The following TCOF1 variants were observed in gnomAD, a reference collection of about 807,000 sequenced individuals.
The protein encoded by TCOF1 is treacle protein.
A neutral mutation model predicts 149.0 loss-of-function variants in TCOF1; 33 were observed. The observed-to-expected ratio is 0.22, with a 90% CI of 0.17 to 0.30. The LOEUF is 0.30. TCOF1 is among the 10% of genes least tolerant of loss of function. The pLI, the probability that TCOF1 is intolerant of heterozygous loss-of-function variation, is 1.00. For synonymous variants in TCOF1, 789 were observed against 738.8 expected (o/e 1.07, Z -1.10); for missense variants, 1,728 against 1,840.7 (o/e 0.94, Z 1.12).
intron 14 of TCOF1, among the ~76,000 whole-genome samples, chr5:150,377,158 C>T (rs1306564302): frequency 6.6e-6 from 1 of 152,192 alleles, no homozygotes; most frequent in African/African-American, 2.4e-5. Context: ...TGAGAGAGTG[C>T]CTGGCTTGGG....
intron 22 of TCOF1, 28 bp downstream of exon 22, chr5:150,392,818 C>A (rs1767715112): frequency 6.2e-7 from 1 of 1,611,042 alleles, no homozygotes; most frequent in East Asian, 2.2e-5. Flanking sequence ...GACTGGCAGC[C>A]CATAGGCCTT....
intron 3 of TCOF1, 99 bp from the exon 4 acceptor site, chr5:150,367,745 C>A: frequency 7.2e-7 from 1 of 1,389,726 alleles, no homozygotes; most frequent in Non-Finnish European, 1.0e-6. Context: ...CACCAGGCAG[C>A]CAATACCAAT....
intron 2 of TCOF1, among the ~76,000 whole-genome samples, chr5:150,361,762 T>C (rs1049737141): frequency 6.6e-5 from 10 of 151,808 alleles, no homozygotes; most frequent in African/African-American, 2.2e-4. Context: ...ATTGGAGGAG[T>C]GAACTATGCA....
intron 25 of TCOF1, 51 bp from the exon 26 acceptor site, chr5:150,398,971 G>C (rs1180803597): frequency 1.9e-6 from 3 of 1,614,006 alleles, no homozygotes; most frequent in Non-Finnish European, 2.5e-6. Context: ...GGCAGCAGTG[G>C]GTGGGGAAAA....
chr5:150,384,577 C>T, intron 17 of TCOF1: 1 of 985,482 alleles, frequency 1.0e-6, no homozygotes, highest in Non-Finnish European at 1.2e-6. Context: ...GAGGGGACCG[C>T]TCCCCCTTTC....
In TCOF1 at chr5:150,392,075, C is replaced by T. The variant is rs1197900739; in HGVS notation, c.3416C>T (p.Ala1139Val). ...KLPEVQQATK[A>V]PESSDDSEDS... ...CCTGAGGTCCAGCAGGCCACCAAAG[C>T]CCCTGAGAGCTCAGATGACAGTGAG... Residue 1139 changes from alanine to valine, a missense_variant, in exon 21 of 27, where the codon GCC becomes GTC. Transcript: ENST00000643257. 6.2e-7 allele frequency: 1 copy of T among 1,614,250 alleles called. No individual in the cohort carries two copies. The highest frequency in any genetic ancestry group is 1.1e-5 in the South Asian group (1 of 91,086).
In TCOF1 at chr5:150,393,519, C is replaced by G; in HGVS notation, c.3751C>G (p.Gln1251Glu). 6.2e-7 allele frequency: 1 copy of G among 1,614,190 alleles called. No individual in the cohort carries two copies. The highest frequency in any genetic ancestry group is 8.5e-7 in the Non-Finnish European group (1 of 1,180,026). Reference sequence around the variant, plus strand: ...AGATGGCAAGCAGGAGGCAAAGCCCCAACAGGCAGCAGGCATGTTGTCCCC... The same window carrying G: ...AGATGGCAAGCAGGAGGCAAAGCCCGAACAGGCAGCAGGCATGTTGTCCCC... ...DPDGKQEAKP[Q>E]QAAGMLSPKT... The change falls in exon 23 of 27, where the codon CAA becomes GAA. Residue 1251 changes from glutamine to glutamate, a missense_variant. This residue lies in a region of TCOF1 where 1,696 missense variants were observed against 1,765.4 expected (regional missense o/e 0.96). Transcript: ENST00000643257.
chr5:150,363,662 A>G (rs1760666330), intron 2 of TCOF1, among the ~76,000 whole-genome samples: 1 of 152,224 alleles, frequency 6.6e-6, no homozygotes, highest in African/African-American at 2.4e-5. Flanking sequence ...CACAGGGCAG[A>G]GCATGCCTTG....
chr5:150,360,287 AT>A (rs1759744482), intron 1 of TCOF1, among the ~76,000 whole-genome samples: 1 of 152,164 alleles, frequency 6.6e-6, no homozygotes, highest in East Asian at 1.9e-4. Context: ...ATCCTGGCTT[AT>A]TGACATTTAC....
Position 150,390,019 on chromosome 5 carries a change from C to T in TCOF1, c.3179C>T (p.Thr1060Ile). ...SDGKKQEGPA[T>I]QVSKKNPASL... ...GGCAAGAAACAGGAGGGACCAGCCA[C>T]TCAGGTACCTGGTGGGCAAGGGAGG... The change falls in exon 19 of 27, where the codon ACT becomes ATT. Residue 1060 changes from threonine to isoleucine, a missense_variant. Physicochemically the swap from Thr to Ile is moderately conservative, Grantham distance 89. Coordinates refer to ENST00000643257, the MANE Select transcript of TCOF1 (RefSeq NM_001371623.1). 6.2e-7 allele frequency: 1 copy of T among 1,609,382 alleles called. No homozygotes were observed. The highest frequency in any genetic ancestry group is 8.5e-7 in the Non-Finnish European group (1 of 1,177,824).
Position 150,392,750 on chromosome 5 carries a change from C to A in TCOF1, c.3563C>A (p.Ala1188Glu), listed in dbSNP as rs760751494. Residue 1188 changes from alanine (A) to glutamate (E), a missense_variant, in exon 22 of 27, where the codon GCA (alanine) becomes GAA (glutamate). By Grantham distance (107) the Ala-to-Glu change is moderately radical (BLOSUM62 -1). Transcript: ENST00000643257. ...ACAGAGACCCTGGTGGAGGAGACCG[C>A]AGCAGAGTCCAGCGAGGATGATGTG... ...SRTETLVEET[A>E]AESSEDDVVA... The A allele has an allele frequency of 5.9e-5, 96 of 1,613,986 alleles. No individual in the cohort carries two copies. Among genetic ancestry groups the A allele is most frequent in the Non-Finnish European group, 7.8e-5 (92 of 1,180,024 alleles).
chr5:150,388,795 C>T (rs1202905912), intron 18 of TCOF1, among the ~76,000 whole-genome samples: 1 of 151,990 alleles, frequency 6.6e-6, no homozygotes, highest in Admixed American at 6.6e-5. Flanking sequence ...AAAAATTAGC[C>T]TGGCGGGCGC....
At chr5:150,398,537 C>T in intron 25 of TCOF1, 86 bp downstream of exon 25, 1 of 1,595,410 alleles carries the variant, frequency 6.3e-7, no homozygotes, top group Non-Finnish European at 8.5e-7. Context: ...TTCCTGCCCC[C>T]TTCCCATTTT....
Position 150,379,398 on chromosome 5 carries a change from C to T in TCOF1, c.2648C>T (p.Thr883Met), listed in dbSNP as rs763108083. The change falls in exon 16 of 27, where the codon ACG becomes ATG. Residue 883 changes from threonine to methionine, a missense_variant. Thr to Met is a moderately conservative substitution (Grantham distance 81, BLOSUM62 -1). Around this residue, in one of 2 missense-constraint regions of TCOF1, gnomAD observed 1,696 missense variants for 1,765.4 expected, o/e 0.96. Coordinates refer to ENST00000643257, the MANE Select transcript of TCOF1 (RefSeq NM_001371623.1). ...TCAGACAGTGAGGAGGAGGCGGAGA[C>T]GCTGGCTCAGGTGAGGGGGAGGGAA... Reference protein sequence around the residue: ...EESDSEEEAETLAQVKPSGKT... With the variant: ...EESDSEEEAEMLAQVKPSGKT... 1.4e-5 allele frequency: 22 copies of T among 1,613,956 alleles called. No individual in the cohort carries two copies. The highest frequency in any genetic ancestry group is 2.2e-5 in the South Asian group (2 of 91,074).
intron 14 of TCOF1, among the ~76,000 whole-genome samples, chr5:150,378,159 T>C (rs547057408): frequency 6.6e-6 from 1 of 152,302 alleles, no homozygotes; most frequent in East Asian, 1.9e-4. Context: ...TGAGGAATGC[T>C]GGGGGATGGG....
chr5:150,384,471 C>T (rs1393165423), intron 17 of TCOF1: 1 of 985,470 alleles, frequency 1.0e-6, no homozygotes, highest in Non-Finnish European at 1.2e-6. Flanking sequence ...GCTGCCCCGA[C>T]ACTCTCCTCT....
At chr5:150,391,883 T>C in intron 20 of TCOF1, 74 bp from the exon 21 acceptor site, 22 of 1,453,050 alleles carry the variant, frequency 1.5e-5, no homozygotes, top group Non-Finnish European at 2.1e-5. Context: ...CTGGCCCTAC[T>C]GAAGTGTTCA....
chr5:150,361,189 G>C lies in TCOF1; in HGVS notation c.142G>C (p.Asp48His). ...CFLAQPVTLL[D>H]IYTHWQQTSE... ...CCTGGCTCAGCCCGTAACCCTTCTG[G>C]ACATCTATACACACTGGCAACAGTA... Residue 48 changes from aspartate (D) to histidine (H), a missense_variant, in exon 2 of 27, where the codon GAC (aspartate) becomes CAC (histidine). Physicochemically the swap from Asp to His is moderately conservative, Grantham distance 81. Transcript: ENST00000643257. The C allele has an allele frequency of 6.2e-7, 1 of 1,614,152 alleles. No individual in the cohort carries two copies. The highest frequency in any genetic ancestry group is 8.5e-7 in the Non-Finnish European group (1 of 1,180,018).
At chr5:150,380,165 C>T (rs1764814256) in intron 17 of TCOF1, 1 of 231,502 alleles carries the variant, frequency 4.3e-6, no homozygotes. Context: ...GCTTAAGGCT[C>T]CAGTTCCACC....
Sources: allele counts gnomAD v4.1 joint callset (sites outside exome capture counted in the v4.1 genomes callset), GRCh38; gene constraint gnomAD v4.1.1; regional missense constraint gnomAD v4.1.1; transcripts MANE v1.5; gene names NCBI Gene and HGNC (gene_info 2026-07-23, HGNC 2026-07-21).